SLC35F4: variants seen among roughly 807,000 people sequenced by gnomAD.
SLC35F4 encodes solute carrier family 35 member F4.
A neutral mutation model predicts 44.2 loss-of-function variants in SLC35F4; 24 were observed. The observed-to-expected ratio is 0.54, with a 90% confidence interval of 0.39 to 0.76. The LOEUF is 0.76. SLC35F4 is among the 30% of genes least tolerant of loss of function. SLC35F4 has a pLI of 0.00. For synonymous variants in SLC35F4, 238 were observed against 223.6 expected (o/e 1.06, Z -0.57); for missense variants, 562 against 586.1 (o/e 0.96, Z 0.42).
At chr14:57,893,889 T>A (rs903452324) in intron 1 of SLC35F4, among the ~76,000 whole-genome samples, 1 of 151,372 alleles carries the variant, frequency 6.6e-6, no homozygotes, top group Non-Finnish European at 1.5e-5. Flanking sequence ...TCAAACCCCA[T>A]CCCAAACCAA....
chr14:57,646,398 A>G (rs2073517165), intron 1 of SLC35F4, among the ~76,000 whole-genome samples: 2 of 152,224 alleles, frequency 1.3e-5, no homozygotes, highest in African/African-American at 4.8e-5. Flanking sequence ...TAGATTTTCT[A>G]GTTTATTTGC....
intron 1 of SLC35F4, among the ~76,000 whole-genome samples, chr14:57,821,474 G>A (rs1454191958): frequency 2.0e-5 from 3 of 152,172 alleles, no homozygotes; most frequent in East Asian, 1.9e-4. Context: ...AAAGCTGTGC[G>A]CATGCAGTAT....
chr14:57,608,496 G>T (rs1485640892), intron 1 of SLC35F4, among the ~76,000 whole-genome samples: 3 of 152,090 alleles, frequency 2.0e-5, no homozygotes, highest in Non-Finnish European at 2.9e-5. Context: ...TGGGGGAGGT[G>T]GTGGAACAGA....
intron 1 of SLC35F4, among the ~76,000 whole-genome samples, chr14:57,930,186 A>G (rs947120444): frequency 2.0e-5 from 3 of 152,218 alleles, no homozygotes; most frequent in African/African-American, 7.2e-5. Flanking sequence ...TCACAAGTTA[A>G]TTCAGTGTGA....
At chr14:57,787,572 C>T (rs149720844) in intron 1 of SLC35F4, among the ~76,000 whole-genome samples, 99 of 152,282 alleles carry the variant, frequency 6.5e-4, no homozygotes, top group African/African-American at 2.2e-3. Context: ...TCAACAGAAA[C>T]GCTACAAGCT....
chr14:57,757,014 G>A, intron 1 of SLC35F4, among the ~76,000 whole-genome samples: 1 of 152,036 alleles, frequency 6.6e-6, no homozygotes, highest in Non-Finnish European at 1.5e-5. Context: ...CTATAATTGT[G>A]AATGTTTTCA....
chr14:57,922,753 G>A (rs561331956), intron 1 of SLC35F4, among the ~76,000 whole-genome samples: 2 of 152,246 alleles, frequency 1.3e-5, no homozygotes, highest in African/African-American at 4.8e-5. Context: ...GGCTAGTTCT[G>A]TGACCTTGGG....
intron 1 of SLC35F4, among the ~76,000 whole-genome samples, chr14:57,745,851 T>G (rs1194626886): frequency 1.3e-5 from 2 of 152,140 alleles, no homozygotes; most frequent in East Asian, 3.8e-4. Context: ...CCATCAATGA[T>G]AGACTGGATT....
At chr14:57,855,027 T>A (rs1298711032) in intron 1 of SLC35F4, among the ~76,000 whole-genome samples, 2 of 152,162 alleles carry the variant, frequency 1.3e-5, no homozygotes, top group African/African-American at 4.8e-5. Context: ...AAGCAAAAAG[T>A]GAGCATGGTT....
At chr14:57,856,191 G>A (rs751506499) in intron 1 of SLC35F4, among the ~76,000 whole-genome samples, 31 of 151,958 alleles carry the variant, frequency 2.0e-4, no homozygotes, top group Non-Finnish European at 4.0e-4. Context: ...GGGGGTGGGG[G>A]AGCTAGCATT....
chr14:57,884,389 C>T (rs10144992), intron 1 of SLC35F4, among the ~76,000 whole-genome samples: 11,461 of 152,194 alleles, frequency 0.075, 496 homozygotes, highest in Middle Eastern at 0.15. Context: ...CCTCTGGTGG[C>T]ACAATCTACA....
intron 1 of SLC35F4, among the ~76,000 whole-genome samples, chr14:57,634,134 G>A (rs1245480867): frequency 6.6e-6 from 1 of 152,150 alleles, no homozygotes; most frequent in African/African-American, 2.4e-5. Context: ...CCCACCATGT[G>A]CTAGGAATGT....
At chr14:57,619,393 GC>G (rs60355658) in intron 1 of SLC35F4, among the ~76,000 whole-genome samples, 10,229 of 152,124 alleles carry the variant, frequency 0.067, 968 homozygotes, top group African/African-American at 0.21. Context: ...TGATACCCAG[GC>G]AAAAAAGGTC....
intron 1 of SLC35F4, among the ~76,000 whole-genome samples, chr14:57,823,447 G>C (rs141051271): frequency 1.7e-3 from 265 of 152,316 alleles, no homozygotes; most frequent in African/African-American, 6.0e-3. Context: ...ATCAGGGTTA[G>C]TATTACAACA....
chr14:57,755,873 G>A (rs1228293964), intron 1 of SLC35F4, among the ~76,000 whole-genome samples: 1 of 152,198 alleles, frequency 6.6e-6, no homozygotes, highest in African/African-American at 2.4e-5. Context: ...AAGCCATTAA[G>A]AGGCACTGCC....
chr14:57,776,659 C>A (rs1290241679), intron 1 of SLC35F4, among the ~76,000 whole-genome samples: 21 of 102,406 alleles, frequency 2.1e-4, no homozygotes, highest in Admixed American at 3.7e-4. Context: ...GAGCAAGACT[C>A]CATCTCAAAA....
At chr14:57,744,949 C>A (rs923792396) in intron 1 of SLC35F4, among the ~76,000 whole-genome samples, 1 of 151,766 alleles carries the variant, frequency 6.6e-6, no homozygotes, top group African/African-American at 2.4e-5. Context: ...CATCTACTAA[C>A]CATCTGATCT....
At chr14:57,757,711 T>C (rs1031171867) in intron 1 of SLC35F4, among the ~76,000 whole-genome samples, 13 of 152,198 alleles carry the variant, frequency 8.5e-5, no homozygotes, top group African/African-American at 2.9e-4. Flanking sequence ...TTCTTACTTC[T>C]ACTTTTGTTA....
intron 1 of SLC35F4, among the ~76,000 whole-genome samples, chr14:57,812,677 C>A (rs1002774780): frequency 7.2e-5 from 11 of 152,090 alleles, no homozygotes; most frequent in Non-Finnish European, 5.9e-5. Flanking sequence ...AGTTTGTTAA[C>A]CTCAGCATCA....
Sources: gnomAD v4.1 joint callset for allele counts (sites outside exome capture counted in the v4.1 genomes callset) on GRCh38, gnomAD v4.1.1 for gene constraint, MANE v1.5 for transcripts, NCBI Gene and HGNC (gene_info 2026-07-23, HGNC 2026-07-21) for gene names.